The following TRAP1 variants were observed in gnomAD, a reference collection of about 807,000 sequenced individuals.
TRAP1 encodes TNF receptor associated protein 1.
A neutral mutation model predicts 89.1 loss-of-function variants in TRAP1; 102 were observed. The observed-to-expected ratio is 1.15, with a 90% confidence interval of 0.98 to 1.35. The LOEUF (loss-of-function observed/expected upper bound fraction) is 1.35, where lower values mean the gene tolerates loss of function less well. Ranked by LOEUF, TRAP1 falls within the 40% of genes most tolerant of loss-of-function variation. TRAP1 has a pLI of 0.00. For missense variants in TRAP1, 1,256 were observed against 945.3 expected, an observed-to-expected ratio of 1.33 and a Z score of -4.31; for synonymous variants, 508 against 388.0, an observed-to-expected ratio of 1.31 and a Z score of -3.64.
chr16:3,689,559 G>A (rs1352138826), intron 2 of TRAP1, among the ~76,000 whole-genome samples: 2 of 152,144 alleles, frequency 1.3e-5, no homozygotes, highest in Admixed American at 1.3e-4. Flanking sequence ...AAGTCTGGCT[G>A]GGCACCATGG....
At chr16:3,695,345 G>C (rs1165543267) in intron 1 of TRAP1, among the ~76,000 whole-genome samples, 2 of 151,968 alleles carry the variant, frequency 1.3e-5, no homozygotes, top group South Asian at 2.1e-4. Context: ...GTCTCTCTTA[G>C]AACCATGGTC....
At chr16:3,661,078 C>CTTCATATACAAGTTAG (rs930857412) in intron 16 of TRAP1, 2 of 151,982 alleles carry the variant, frequency 1.3e-5, no homozygotes, top group Non-Finnish European at 2.9e-5. Context: ...AAAAAAGAAA[C>CTTCATATACAAGTTAG]TTCATATACA....
At chr16:3,697,797 T>C (rs945023824) in intron 1 of TRAP1, among the ~76,000 whole-genome samples, 9 of 151,792 alleles carry the variant, frequency 5.9e-5, no homozygotes, top group African/African-American at 2.2e-4. Flanking sequence ...GAATTTTTTT[T>C]TTTTTTCCTC....
intron 16 of TRAP1, chr16:3,661,706 T>C (rs1045928948): frequency 1.4e-5 from 5 of 369,234 alleles, no homozygotes; most frequent in Non-Finnish European, 2.4e-5. Context: ...ACTGAGCATG[T>C]CCAGGACACG....
intron 6 of TRAP1, chr16:3,676,380 G>A (rs1176803856): frequency 2.9e-5 from 3 of 102,752 alleles, no homozygotes; most frequent in Non-Finnish European, 3.7e-5. Flanking sequence ...GGGGGCGGGG[G>A]GGCGGGGGTC....
rs549266424 is a variant in TRAP1, at chr16:3,691,393, A to T, written c.89-408T>A. 1.1e-4 allele frequency among the ~76,000 whole-genome samples: 17 copies of T among 152,210 alleles called. No homozygotes were observed. The East Asian group carries it at 3.1e-3, about 28-fold the overall frequency. ...CACCATGCCCCCATAATTTTTTAAA[A>T]AATTTTTTGTAGAAATGGGGTTTTG... On this transcript the variant is annotated intron_variant, in intron 1 of 17. Transcript: ENST00000246957.
intron 1 of TRAP1, among the ~76,000 whole-genome samples, chr16:3,701,067 C>T (rs1231602203): frequency 6.6e-6 from 1 of 151,976 alleles, no homozygotes; most frequent in Non-Finnish European, 1.5e-5. Flanking sequence ...ACACTTTAAA[C>T]ATAAAGAAAA....
intron 1 of TRAP1, among the ~76,000 whole-genome samples, chr16:3,695,356 A>C (rs1421534811): frequency 1.3e-5 from 2 of 152,052 alleles, no homozygotes; most frequent in Admixed American, 6.6e-5. Context: ...AACCATGGTC[A>C]GGTTTCTCAT....
chr16:3,684,215 T>C lies in TRAP1; in HGVS notation c.471+1781A>G, dbSNP rs377605691. Among the ~76,000 whole-genome samples the C allele has an allele frequency of 2.6e-5, 4 of 152,256 alleles. No individual in the cohort carries two copies. The South Asian group carries it at 8.3e-4, about 32-fold the overall frequency. On this transcript the variant is annotated intron_variant, in intron 4 of 17. Coordinates refer to ENST00000246957, the MANE Select transcript of TRAP1 (RefSeq NM_016292.3). ...TTTGTGAGGGTTTACAACAGGTATA[T>C]ACATAAAATATTTGACATCAAAAGA...
intron 1 of TRAP1, among the ~76,000 whole-genome samples, chr16:3,700,363 C>T (rs1050395658): frequency 2.6e-4 from 40 of 151,906 alleles, no homozygotes; most frequent in African/African-American, 9.7e-4. Context: ...GACGGGGTTT[C>T]TCCATGTTGG....
At chr16:3,672,982 C>T (rs2050935716) in intron 9 of TRAP1, among the ~76,000 whole-genome samples, 162 bp from the exon 10 acceptor site, 1 of 152,148 alleles carries the variant, frequency 6.6e-6, no homozygotes, top group Admixed American at 6.5e-5. Flanking sequence ...CCCACGATGC[C>T]CCACACTGTG....
chr16:3,680,464 C>G (rs1271262452), intron 4 of TRAP1, among the ~76,000 whole-genome samples: 1 of 152,352 alleles, frequency 6.6e-6, no homozygotes, highest in African/African-American at 2.4e-5. Context: ...CCTCTGGTGG[C>G]TCTCTCAATC....
At chr16:3,663,872 G>C (rs2050754747) in intron 13 of TRAP1, 2 of 381,856 alleles carry the variant, frequency 5.2e-6, no homozygotes. Context: ...AGGAGTTCGA[G>C]ACCAACATGG....
chr16:3,674,869 G>C (rs2050967387), intron 8 of TRAP1: 1 of 341,916 alleles, frequency 2.9e-6, no homozygotes, highest in South Asian at 3.5e-5. Context: ...CAGTCACTGA[G>C]GACAGCATGC....
In TRAP1 at chr16:3,686,061, G is replaced by A; in HGVS notation, c.406C>T (p.Gln136Ter). Residue 136 changes from glutamine to a stop codon, truncating the protein, a stop_gained, in exon 4 of 18, where the codon CAA (glutamine) becomes TAA (stop). Coordinates refer to ENST00000246957, the MANE Select transcript of TRAP1 (RefSeq NM_016292.3). LOFTEE classifies it high-confidence loss of function. ...KLRHKLVSDGQALPEMEIHLQ... is the reference protein window; with the variant it reads ...KLRHKLVSDG ...TGAATCTCCATTTCTGGCAGTGCTT[G>A]GCCGTCAGACACCAGTTTGTGACGC... 1 of 1,614,100 alleles carries A rather than the reference G, an allele frequency of 6.2e-7. No homozygotes were observed. Among genetic ancestry groups the A allele is most frequent in the Non-Finnish European group, 8.5e-7 (1 of 1,180,002 alleles).
chr16:3,689,023 C>T (rs2051175476), intron 3 of TRAP1, 32 bp downstream of exon 3: 3 of 1,571,792 alleles, frequency 1.9e-6, no homozygotes, highest in Non-Finnish European at 2.6e-6. Flanking sequence ...AGAAACTTTG[C>T]TAGCATCGGG....
intron 2 of TRAP1, among the ~76,000 whole-genome samples, chr16:3,689,461 G>C (rs1401051551): frequency 2.6e-5 from 4 of 152,084 alleles, no homozygotes; most frequent in African/African-American, 9.7e-5. Flanking sequence ...AGCCAGGATA[G>C]CCTCGATCTC....
intron 1 of TRAP1, among the ~76,000 whole-genome samples, chr16:3,705,588 C>T (rs1235873331): frequency 6.6e-6 from 1 of 152,188 alleles, no homozygotes; most frequent in Non-Finnish European, 1.5e-5. Flanking sequence ...CCACATATAG[C>T]ATGTATCAGC....
Position 3,684,577 on chromosome 16 carries a change from G to A in TRAP1, c.471+1419C>T, listed in dbSNP as rs181031302. ...GGCCAAGGCGGGCAGATCACTTGAG[G>A]GCAGGAGTTCAAGCCCAGCCTGGCC... On this transcript the variant is annotated intron_variant, in intron 4 of 17. Transcript: ENST00000246957. Among the ~76,000 whole-genome samples the A allele has an allele frequency of 6.4e-4, 97 of 152,278 alleles. No homozygotes were observed. In the East Asian group the frequency reaches 0.015, roughly 24 times the overall value.
Sources: gnomAD v4.1 joint callset for allele counts (sites outside exome capture counted in the v4.1 genomes callset) on GRCh38, gnomAD v4.1.1 for gene constraint, MANE v1.5 for transcripts, NCBI Gene and HGNC (gene_info 2026-07-23, HGNC 2026-07-21) for gene names.